Variants in NCOR2 observed in about 807,000 individuals in gnomAD.
NCOR2 encodes nuclear receptor corepressor 2, also known as CTG repeat protein 26.
In NCOR2, 81 loss-of-function variants were observed where a neutral mutation model predicts 262.9. The observed-to-expected ratio is 0.31, with a 90% CI of 0.26 to 0.37. The LOEUF is 0.37. Ranked by LOEUF, NCOR2 falls within the 10% of genes least tolerant of loss-of-function variation. NCOR2 has a pLI of 1.00. For synonymous variants in NCOR2, 1,659 were observed against 1,559.3 expected (o/e 1.06, Z -1.51); for missense variants, 3,385 against 3,621.4 (o/e 0.93, Z 1.68).
chr12:124,473,218 T>G (rs2046917446), intron 3 of NCOR2, 87 bp from the exon 6 acceptor site: 2 of 1,466,484 alleles, frequency 1.4e-6, no homozygotes, highest in South Asian at 2.4e-5. Flanking sequence ...ACTGTCAACC[T>G]GATTGGATTG....
intron 20 of NCOR2, among the ~76,000 whole-genome samples, chr12:124,370,126 C>T (rs1234916210): frequency 6.6e-6 from 1 of 152,230 alleles, no homozygotes; most frequent in Non-Finnish European, 1.5e-5. Context: ...GGCACAATGG[C>T]CCTGGCTGCC....
exon 46 of NCOR2, chr12:124,326,198 C>G (rs776052645): frequency 6.5e-7 from 1 of 1,528,354 alleles, no homozygotes; most frequent in African/African-American, 1.4e-5. Context: ...CACCTGCGGA[C>G]GAGGGCCTGT....
At chr12:124,449,975 G>A in intron 6 of NCOR2, 108 bp from the exon 9 acceptor site, 1 of 1,156,654 alleles carries the variant, frequency 8.6e-7, no homozygotes. Flanking sequence ...TCCTCTGGGT[G>A]AGGGCTCAGC....
At chr12:124,429,486 CCG>C in intron 10 of NCOR2, 125 bp downstream of exon 12, 1 of 968,282 alleles carries the variant, frequency 1.0e-6, no homozygotes, top group Admixed American at 2.2e-5. Flanking sequence ...TTGATTCCAC[CCG>C]CGCTTCGGTG....
In NCOR2 at chr12:124,449,804, C is replaced by T. The variant is rs746791179; in HGVS notation, c.815+11G>A. 2 of 1,613,960 alleles carry T rather than the reference C, an allele frequency of 1.2e-6. No individual in the cohort carries two copies. Among genetic ancestry groups the T allele is most frequent in the Non-Finnish European group, 1.7e-6 (2 of 1,179,944 alleles). On this transcript the variant is annotated intron_variant, in intron 7 of 46. Transcript: ENST00000405201. ...CTCTGTGTGTCTGCACGGCTGCCCG[C>T]GAGCACTCACATTTTGATGTTCTCA...
At chr12:124,339,901 A>ATACCCCCCC in intron 37 of NCOR2, 105 bp downstream of exon 39, 1 of 186,866 alleles carries the variant, frequency 5.4e-6, no homozygotes, top group Non-Finnish European at 1.0e-5. Context: ...CTGCCCACCC[A>ATACCCCCCC]CCCACCTCCC....
Position 124,399,409 on chromosome 12 carries a change from G to A in NCOR2, c.1813+1092C>T, listed in dbSNP as rs1453797660. Among the ~76,000 whole-genome samples the A allele has an allele frequency of 2.0e-5, 3 of 152,296 alleles. No homozygotes were observed. The East Asian group carries it at 5.8e-4, about 29-fold the overall frequency. Reference sequence around the variant, plus strand: ...CTTGGGTCCGAGAGGACTATCCCCAGAGATCAGGCAGGAAGAAAGCCCTTT... The same window carrying A: ...CTTGGGTCCGAGAGGACTATCCCCAAAGATCAGGCAGGAAGAAAGCCCTTT... On this transcript the variant is annotated intron_variant, in intron 15 of 46. Transcript: ENST00000405201.
rs2271139 is a variant in NCOR2, at chr12:124,354,994, C to G, written c.3382-55G>C. 3 of 1,484,090 alleles carry G rather than the reference C, an allele frequency of 2.0e-6. No individual in the cohort carries two copies. In the East Asian group the frequency reaches 6.9e-5, roughly 34 times the overall value. 91.9% of individuals were successfully genotyped at this position (1,484,090 alleles called of 1,614,324 possible). A position where few individuals can be genotyped will look rare whatever the true frequency, so the allele number is the denominator to read the frequency against. ...GGCACCCTGGTCCCTCCCCCACAGT[C>G]CAGAGTGCCTGACGCTCCTGTTCAA... is the stretch of plus-strand genomic sequence containing the variant. On this transcript the variant is annotated intron_variant, in intron 24 of 46. Coordinates refer to ENST00000405201, the Ensembl canonical transcript of NCOR2.
exon 15 of NCOR2, chr12:124,400,580 G>C (rs376834268): frequency 6.2e-7 from 1 of 1,614,118 alleles, no homozygotes; most frequent in Non-Finnish European, 8.5e-7. Context: ...TGCGGCCTTT[G>C]CGTCTTCCCT....
chr12:124,435,582 C>T (rs2044287916), intron 8 of NCOR2, among the ~76,000 whole-genome samples: 2 of 152,220 alleles, frequency 1.3e-5, no homozygotes, highest in Non-Finnish European at 2.9e-5. Context: ...GAAGACCCTC[C>T]TCCCATATAG....
At chr12:124,393,698 C>G (rs2041469101) in intron 16 of NCOR2, among the ~76,000 whole-genome samples, 1 of 152,244 alleles carries the variant, frequency 6.6e-6, no homozygotes, top group Admixed American at 6.5e-5. Flanking sequence ...CAAATCCCAG[C>G]TCTACCACTT....
At chr12:124,381,296 A>G (rs758027194) in intron 17 of NCOR2, among the ~76,000 whole-genome samples, 1 of 151,854 alleles carries the variant, frequency 6.6e-6, no homozygotes, top group Non-Finnish European at 1.5e-5. Context: ...TATCTGCATA[A>G]CTCACTTCCT....
intron 1 of NCOR2, among the ~76,000 whole-genome samples, chr12:124,502,110 A>G (rs1349190716): frequency 6.6e-6 from 1 of 152,242 alleles, no homozygotes; most frequent in East Asian, 1.9e-4. Flanking sequence ...ACGGATGCTC[A>G]GGAATCCAGC....
intron 10 of NCOR2, chr12:124,429,348 T>A (rs775882609): frequency 6.0e-6 from 3 of 501,648 alleles, no homozygotes; most frequent in Non-Finnish European, 1.1e-5. Context: ...CTCCCTGTTG[T>A]GGCATCTGGA....
chr12:124,513,994 A>C (rs1351132462), intron 1 of NCOR2: 3 of 152,268 alleles, frequency 2.0e-5, no homozygotes, highest in African/African-American at 7.2e-5. Flanking sequence ...AGTCAGGCAC[A>C]ACTGTCTCCT....
At chr12:124,420,396 C>T (rs1162482203) in intron 12 of NCOR2, among the ~76,000 whole-genome samples, 1 of 152,200 alleles carries the variant, frequency 6.6e-6, no homozygotes, top group Non-Finnish European at 1.5e-5. Context: ...CGCCATGTCA[C>T]CCCCAGCCCT....
rs367846295 is a variant in NCOR2, at chr12:124,335,125, G to T, written c.6411+10C>A. On this transcript the variant is annotated intron_variant, in intron 40 of 46. Transcript: ENST00000405201. ...AAGGTGACAAGCAGCAGCAGAGAAC[G>T]CGTAGTTACACTGATGTGCTGGGCC... 34 of 1,612,202 alleles carry T rather than the reference G, an allele frequency of 2.1e-5. No homozygotes were observed. The highest frequency in any genetic ancestry group is 2.7e-5 in the Non-Finnish European group (32 of 1,179,914).
intron 13 of NCOR2, among the ~76,000 whole-genome samples, chr12:124,411,259 C>T (rs530350196): frequency 6.6e-6 from 1 of 151,584 alleles, no homozygotes. Flanking sequence ...CACCCGTGTG[C>T]GCGCATACAC....
intron 18 of NCOR2, among the ~76,000 whole-genome samples, chr12:124,374,824 G>A (rs891883642): frequency 6.6e-6 from 1 of 152,242 alleles, no homozygotes; most frequent in African/African-American, 2.4e-5. Flanking sequence ...GCCTGGAGTG[G>A]GAGGTGTTGA....
Sources: gnomAD v4.1 joint callset for allele counts (sites outside exome capture counted in the v4.1 genomes callset) on GRCh38, gnomAD v4.1.1 for gene constraint, MANE v1.5 for transcripts, NCBI Gene and HGNC (gene_info 2026-07-23, HGNC 2026-07-21) for gene names.